Variants in OPHN1 observed in about 807,000 individuals in gnomAD.
OPHN1 encodes the protein oligophrenin-1.
Under a neutral mutation model 60.7 loss-of-function variants are expected in OPHN1, and 11 were observed. The observed-to-expected ratio is 0.18, with a 90% confidence interval of 0.11 to 0.30. The LOEUF is 0.30. OPHN1 is among the 10% of genes least tolerant of loss of function. OPHN1 has a pLI of 1.00. For synonymous variants in OPHN1, 226 were observed against 222.6 expected (o/e 1.02, Z -0.14); for missense variants, 449 against 611.0 (o/e 0.73, Z 2.80).
At chrX:68,126,297 T>C (rs1375654197) in intron 15 of OPHN1, among the ~76,000 whole-genome samples, 1 of 110,862 alleles carries the variant, frequency 9.0e-6, no homozygotes, top group Non-Finnish European at 1.9e-5. Context: ...CATGTGTCTG[T>C]TTAGGATCCC....
At chrX:68,216,022 A>C (rs1050137945) in intron 6 of OPHN1, among the ~76,000 whole-genome samples, 6 of 112,025 alleles carry the variant, frequency 5.4e-5, no homozygotes, top group Admixed American at 3.8e-4. Context: ...TGTCTATAAT[A>C]ATAATTGTAA....
intron 18 of OPHN1, among the ~76,000 whole-genome samples, chrX:68,098,934 C>G (rs1199365289): frequency 1.8e-5 from 2 of 111,169 alleles, no homozygotes; most frequent in Non-Finnish European, 3.8e-5. Flanking sequence ...GGTCATATGG[C>G]AAGGCAGAGA....
chrX:68,248,131 A>G (rs2077816062), intron 5 of OPHN1, among the ~76,000 whole-genome samples: 1 of 111,301 alleles, frequency 9.0e-6, no homozygotes, highest in African/African-American at 3.3e-5. Context: ...AATTGCAGAC[A>G]CCACCACCCT....
In OPHN1 at chrX:68,178,315, C is replaced by T. The variant is rs1230459439; in HGVS notation, c.1276+14604G>A. ...CCTCCCCAAATGTATGGCCAGTTAT[C>T]AACACTATAAACTGAATTAAACACT... On this transcript the variant is annotated intron_variant, in intron 15 of 24. Coordinates refer to ENST00000355520, the MANE Select transcript of OPHN1 (RefSeq NM_002547.3). Among the ~76,000 whole-genome samples the T allele has an allele frequency of 9.8e-5, 11 of 112,145 alleles. No homozygotes were observed. In the East Asian group the frequency reaches 2.8e-3, roughly 29 times the overall value.
chrX:68,053,332 T>A (rs188710665), intron 22 of OPHN1, among the ~76,000 whole-genome samples: 131 of 112,585 alleles, frequency 1.2e-3, no homozygotes, highest in African/African-American at 3.8e-3. Flanking sequence ...GAAATTTTTT[T>A]AAAAAATATC....
intron 3 of OPHN1, among the ~76,000 whole-genome samples, chrX:68,288,813 G>A (rs961952957): frequency 9.0e-6 from 1 of 111,487 alleles, no homozygotes; most frequent in Non-Finnish European, 1.9e-5. Context: ...AGGCAAAAGC[G>A]GAAGGTTTGG....
intron 15 of OPHN1, among the ~76,000 whole-genome samples, chrX:68,170,610 T>C (rs2077385414): frequency 1.8e-5 from 2 of 110,001 alleles, no homozygotes; most frequent in African/African-American, 6.6e-5. Context: ...CCATAAAAAA[T>C]GTGAGTTCAT....
chrX:68,317,531 GAAAGAAAA>G (rs199914006), intron 2 of OPHN1, among the ~76,000 whole-genome samples: 442 of 42,803 alleles, frequency 0.01, 22 homozygotes, highest in African/African-American at 0.086. Flanking sequence ...AAGAAAGAAA[GAAAGAAAA>G]AAAGAAAGAA....
At chrX:68,110,450 T>A (rs758663516) in intron 18 of OPHN1, among the ~76,000 whole-genome samples, 118 of 111,602 alleles carry the variant, frequency 1.1e-3, no homozygotes, top group Admixed American at 3.7e-3. Context: ...TCGTCACATG[T>A]TGAGACTCTC....
chrX:68,073,941 A>T (rs1385584978), intron 19 of OPHN1, among the ~76,000 whole-genome samples: 3 of 112,655 alleles, frequency 2.7e-5, no homozygotes, highest in Non-Finnish European at 5.6e-5. Flanking sequence ...AAATAAAATT[A>T]AAAAGCAACA....
intron 16 of OPHN1, among the ~76,000 whole-genome samples, chrX:68,118,693 C>T (rs2077137592): frequency 8.9e-6 from 1 of 111,995 alleles, no homozygotes; most frequent in South Asian, 3.7e-4. Context: ...ATTAATATTG[C>T]ACATTCCCAA....
rs183576063 is a variant in OPHN1, at chrX:68,250,957, C to A, written c.385-16369G>T. Among the ~76,000 whole-genome samples the A allele has an allele frequency of 7.1e-3, 789 of 110,658 alleles. 10 individuals carry two copies. The highest frequency in any genetic ancestry group is 0.025 in the African/African-American group (750 of 30,471). ...ACAGCAATGTTACCAGTTTCCCTAA[C>A]AATATATAACATTTAAGTACAGTTA... On this transcript the variant is annotated intron_variant, in intron 5 of 24. Transcript: ENST00000355520.
At chrX:68,073,509 G>A (rs1225871603) in intron 19 of OPHN1, among the ~76,000 whole-genome samples, 1 of 111,830 alleles carries the variant, frequency 8.9e-6, no homozygotes, top group Non-Finnish European at 1.9e-5. Context: ...ACAGAACCTG[G>A]CACTTCTCAG....
At chrX:68,281,271 TA>T in intron 4 of OPHN1, among the ~76,000 whole-genome samples, 1 of 112,004 alleles carries the variant, frequency 8.9e-6, no homozygotes, top group East Asian at 2.8e-4. Flanking sequence ...CAGACCCATA[TA>T]AATATAGTCA....
chrX:68,263,551 T>G (rs2077905466), intron 5 of OPHN1, among the ~76,000 whole-genome samples: 1 of 112,126 alleles, frequency 8.9e-6, no homozygotes, highest in Non-Finnish European at 1.9e-5. Flanking sequence ...TGAAAGAAAC[T>G]TATTTAGTGC....
intron 15 of OPHN1, among the ~76,000 whole-genome samples, chrX:68,140,984 T>C (rs965733401): frequency 8.9e-6 from 1 of 111,897 alleles, no homozygotes; most frequent in Non-Finnish European, 1.9e-5. Flanking sequence ...ATCCTCTGCA[T>C]ACACTACCCT....
chrX:68,377,914 A>G (rs1376100592), intron 2 of OPHN1, among the ~76,000 whole-genome samples: 1 of 111,911 alleles, frequency 8.9e-6, no homozygotes, highest in African/African-American at 3.2e-5. Context: ...TCTTTATAGC[A>G]GCATGATTTA....
At chrX:68,108,044 A>G (rs924382382) in intron 18 of OPHN1, among the ~76,000 whole-genome samples, 2 of 112,051 alleles carry the variant, frequency 1.8e-5, no homozygotes, top group Admixed American at 1.9e-4. Context: ...CTTCTGCAAT[A>G]AAGAGATTTC....
At chrX:68,185,752 A>G (rs2077459654) in intron 15 of OPHN1, among the ~76,000 whole-genome samples, 1 of 110,646 alleles carries the variant, frequency 9.0e-6, no homozygotes, top group Non-Finnish European at 1.9e-5. Flanking sequence ...GAATCAGTGA[A>G]TGAGAGAGAG....
Sources: allele counts gnomAD v4.1 joint callset (sites outside exome capture counted in the v4.1 genomes callset), GRCh38; gene constraint gnomAD v4.1.1; transcripts MANE v1.5; gene names NCBI Gene and HGNC (gene_info 2026-07-23, HGNC 2026-07-21).